Variants in CSPP1 observed in about 807,000 individuals in gnomAD.
The protein encoded by CSPP1 is centrosome and spindle pole-associated protein 1.
Under a neutral mutation model 164.4 loss-of-function variants are expected in CSPP1, and 126 were observed. The observed-to-expected ratio is 0.77, with a 90% CI of 0.66 to 0.89. The LOEUF is 0.89. CSPP1 is among the 40% of genes least tolerant of loss of function. CSPP1 has a pLI of 0.00. For missense variants in CSPP1, 1,395 were observed against 1,449.8 expected (o/e 0.96, Z 0.61); for synonymous variants, 472 against 476.7 (o/e 0.99, Z 0.13).
intron 28 of CSPP1, among the ~76,000 whole-genome samples, chr8:67,182,139 A>G (rs1208456008): frequency 6.6e-6 from 1 of 152,110 alleles, no homozygotes; most frequent in African/African-American, 2.4e-5. Context: ...AGTAGCTGAG[A>G]CTACAGGCAC....
At chr8:67,083,463 T>G (rs1809640101) in intron 3 of CSPP1, among the ~76,000 whole-genome samples, 1 of 138,510 alleles carries the variant, frequency 7.2e-6, no homozygotes, top group Non-Finnish European at 1.5e-5. Context: ...ACCTGGGAGG[T>G]GGAGGTTGCA....
At chr8:67,072,869 C>CAAAAAA (rs58087584) in intron 1 of CSPP1, among the ~76,000 whole-genome samples, 2 of 59,244 alleles carry the variant, frequency 3.4e-5, no homozygotes, top group African/African-American at 1.0e-4. Context: ...GAGCCTGTCT[C>CAAAAAA]AAAAAAAAAA....
At chr8:67,183,855 T>TC (rs1217492975) in intron 28 of CSPP1, among the ~76,000 whole-genome samples, 3 of 147,228 alleles carry the variant, frequency 2.0e-5, no homozygotes, top group Non-Finnish European at 4.5e-5. Flanking sequence ...TTTTTTTTTT[T>TC]TTTTTTTTTT....
chr8:67,159,097 A>G lies in CSPP1; in HGVS notation c.2498A>G (p.His833Arg), dbSNP rs764729080. The G allele has an allele frequency of 8.1e-6, 13 of 1,608,712 alleles. No individual in the cohort carries two copies. The highest frequency in any genetic ancestry group is 1.1e-5 in the Non-Finnish European group (13 of 1,178,808). The change falls in exon 21 of 31, where the codon CAC becomes CGC. Residue 833 changes from histidine to arginine, a missense_variant. Transcript: ENST00000678616. ...GAAAAATATAACCTGCAACTTCAGC[A>G]CTACTGTGAAAGAGACAATTTGATT... ...EEEKYNLQLQ[H>R]YCERDNLIGE...
intron 7 of CSPP1, among the ~76,000 whole-genome samples, chr8:67,098,578 GTGTA>G (rs1452119704): frequency 4.0e-5 from 6 of 151,488 alleles, no homozygotes. Flanking sequence ...CATTCTGTGT[GTGTA>G]TGTGTGTTGT....
intron 15 of CSPP1, among the ~76,000 whole-genome samples, chr8:67,130,849 G>C (rs558844021): frequency 6.6e-6 from 1 of 151,954 alleles, no homozygotes; most frequent in Admixed American, 6.6e-5. Flanking sequence ...TTAGCCGGGC[G>C]TGGTGGCGGG....
intron 29 of CSPP1, among the ~76,000 whole-genome samples, chr8:67,193,126 TTTC>T (rs1836866266): frequency 6.6e-6 from 1 of 152,294 alleles, no homozygotes; most frequent in South Asian, 2.1e-4. Context: ...TGCTGGTTTT[TTTC>T]TTTTTTTTTG....
At chr8:67,097,082 A>G (rs935112638) in intron 7 of CSPP1, among the ~76,000 whole-genome samples, 1 of 152,146 alleles carries the variant, frequency 6.6e-6, no homozygotes, top group Non-Finnish European at 1.5e-5. Context: ...GATACTTGCC[A>G]TAGTTTAACC....
rs375366305 is a variant in CSPP1, at chr8:67,147,237, A to G, written c.1976-2546A>G. On this transcript the variant is annotated intron_variant, in intron 17 of 30. Coordinates refer to ENST00000678616, the MANE Select transcript of CSPP1 (RefSeq NM_001382391.1). ...CTATCAAACTAAGATTGCATTCCCT[A>G]AGCACTCACTAGTTTGGCAACACAG... Among the ~76,000 whole-genome samples, 4 of 152,146 alleles carry G rather than the reference A, an allele frequency of 2.6e-5. No individual in the cohort carries two copies. The East Asian group carries it at 5.8e-4, about 22-fold the overall frequency.
chr8:67,178,492 G>A (rs1157685504), intron 27 of CSPP1, among the ~76,000 whole-genome samples: 3 of 152,320 alleles, frequency 2.0e-5, no homozygotes, highest in Admixed American at 6.5e-5. Context: ...TCCAGAAGGA[G>A]GGAGAGACAG....
rs370123119 is a variant in CSPP1 at position 67,113,826 on chromosome 8, G to A, written c.1209G>A (p.Arg403=). Residue 403 remains arginine, a synonymous_variant, in exon 11 of 31, where the codon AGG becomes AGA. Coordinates refer to ENST00000678616, the MANE Select transcript of CSPP1 (RefSeq NM_001382391.1). ...NKRREKDLEL[R]VAASGAQDPE... is the part of the protein sequence containing the mutation. ...TTAGAGAAAAAGATTTAGAACTCAG[G>A]GTTGCAGCGTCTGGAGCACAAGACC... The A allele has an allele frequency of 4.8e-5, 76 of 1,587,506 alleles. No individual in the cohort carries two copies. Among genetic ancestry groups the A allele is most frequent in the African/African-American group, 1.1e-4 (8 of 74,156 alleles).
intron 7 of CSPP1, among the ~76,000 whole-genome samples, chr8:67,102,694 C>CA (rs1367496620): frequency 1.3e-5 from 2 of 152,170 alleles, no homozygotes; most frequent in East Asian, 1.9e-4. Context: ...TTTGTGAGTG[C>CA]AGGGACTGTG....
At chr8:67,114,163 T>C in intron 11 of CSPP1, 166 bp from the exon 12 acceptor site, 1 of 212,926 alleles carries the variant, frequency 4.7e-6, no homozygotes, top group East Asian at 9.9e-5. Flanking sequence ...TTGATGTTAA[T>C]ATTTTTCTTG....
At position 67,118,079 on chromosome 8, in the gene CSPP1, A is replaced by G. The variant is rs540414461; in HGVS notation, c.1497-169A>G. Among the ~76,000 whole-genome samples, 18 of 152,168 alleles carry G rather than the reference A, an allele frequency of 1.2e-4. No individual in the cohort carries two copies. In the Middle Eastern group the frequency reaches 0.01, roughly 86 times the overall value. On this transcript the variant is annotated intron_variant, in intron 13 of 30. Coordinates refer to ENST00000678616, the MANE Select transcript of CSPP1 (RefSeq NM_001382391.1). ...AAATTGTGAAATCCTATGTAATAGT[A>G]TTTGCTTTTTAAGTCATAATTTTTG... is the stretch of plus-strand genomic sequence containing the variant.
chr8:67,115,828 T>A lies in CSPP1; in HGVS notation c.1288-86T>A, dbSNP rs1586226729. ...TTATTCTGTGACTGTCTTAAGTGCC[T>A]GCTGGGATAGGAGGTCTTTTGAGGT... On this transcript the variant is annotated intron_variant, in intron 12 of 30. Transcript: ENST00000678616. 13 of 895,842 alleles carry A rather than the reference T, an allele frequency of 1.5e-5. No individual in the cohort carries two copies. The East Asian group carries it at 3.3e-4, about 23-fold the overall frequency. The allele number at this position is 895,842 out of a possible 1,614,324, so 55.5% of individuals were successfully genotyped here.
intron 7 of CSPP1, among the ~76,000 whole-genome samples, chr8:67,101,752 G>A (rs1416008765): frequency 1.3e-5 from 2 of 152,164 alleles, no homozygotes; most frequent in Non-Finnish European, 2.9e-5. Context: ...CTGGTTCTGT[G>A]GAGAGTGAGA....
At chr8:67,092,194 A>C (rs749916856) in intron 5 of CSPP1, among the ~76,000 whole-genome samples, 1 of 152,106 alleles carries the variant, frequency 6.6e-6, no homozygotes, top group Non-Finnish European at 1.5e-5. Context: ...AGTTTATGCT[A>C]TGTAACACAG....
Position 67,161,727 on chromosome 8 carries a change from TAACTA to T in CSPP1, c.2539-83_2539-79del, listed in dbSNP as rs1247400535. 2.0e-5 allele frequency: 13 copies of T among 663,116 alleles called. No homozygotes were observed. In the Admixed American group the frequency reaches 3.3e-4, roughly 17 times the overall value. The allele number at this position is 663,116 out of a possible 1,614,324, so 41.1% of individuals were successfully genotyped here. ...ATCTAAACTTCTTAGATGACTTTCT[TAACTA>T]TAAGGGGTGTGTGTGTGTGTATATA... is the stretch of plus-strand genomic sequence containing the variant. On this transcript the variant is annotated intron_variant, in intron 21 of 30. Transcript: ENST00000678616.
chr8:67,107,992 T>TTG (rs1554577580), intron 9 of CSPP1, among the ~76,000 whole-genome samples: 1 of 150,678 alleles, frequency 6.6e-6, no homozygotes, highest in Admixed American at 6.6e-5. Context: ...AGTTTTTTTT[T>TTG]TTTTTTTTTG....
Sources: gnomAD v4.1 joint callset for allele counts (sites outside exome capture counted in the v4.1 genomes callset) on GRCh38, gnomAD v4.1.1 for gene constraint, MANE v1.5 for transcripts, NCBI Gene and HGNC (gene_info 2026-07-23, HGNC 2026-07-21) for gene names.